SCHIP1: variants seen among roughly 807,000 people sequenced by gnomAD.
SCHIP1 encodes schwannomin-interacting protein 1.
SCHIP1 carries 8 observed loss-of-function variants against 29.7 expected under a neutral mutation model. The ratio of observed to expected loss-of-function variants is 0.27; its 90% confidence interval spans 0.16 to 0.49. The LOEUF is 0.49. Ranked by LOEUF, SCHIP1 falls within the 20% of genes least tolerant of loss-of-function variation. SCHIP1 has a pLI of 0.99. For synonymous variants in SCHIP1, 76 were observed against 94.9 expected (o/e 0.80, Z 1.16); for missense variants, 193 against 294.6 (o/e 0.66, Z 2.52).
At chr3:159,755,472 C>T in the SCHIP1 span, among the ~76,000 whole-genome samples, 1 of 152,170 alleles carries the variant, frequency 6.6e-6, no homozygotes, top group Non-Finnish European at 1.5e-5. Context: ...TCAATCACCT[C>T]CCACTGGGTA....
At chr3:159,363,164 A>C in the SCHIP1 span, among the ~76,000 whole-genome samples, 8 of 152,252 alleles carry the variant, frequency 5.3e-5, no homozygotes, top group Non-Finnish European at 1.2e-4. Context: ...GAGGTTAACA[A>C]AAAGAAACAG....
the SCHIP1 span, among the ~76,000 whole-genome samples, chr3:159,781,271 G>A: frequency 6.6e-6 from 1 of 152,110 alleles, no homozygotes; most frequent in Non-Finnish European, 1.5e-5. Flanking sequence ...CACCTCTTAG[G>A]TTCAAGCGAT....
chr3:159,617,111 A>AT, the SCHIP1 span, among the ~76,000 whole-genome samples: 1 of 152,170 alleles, frequency 6.6e-6, no homozygotes, highest in Non-Finnish European at 1.5e-5. Context: ...ATGTGGTCCC[A>AT]TCCAACCACT....
the SCHIP1 span, among the ~76,000 whole-genome samples, chr3:159,488,285 T>C: frequency 1.3e-5 from 2 of 152,086 alleles, no homozygotes; most frequent in Admixed American, 6.6e-5. Context: ...ACAGAGTGAC[T>C]ACAGTCAATA....
chr3:159,314,530 A>T, the SCHIP1 span, among the ~76,000 whole-genome samples: 52 of 152,304 alleles, frequency 3.4e-4, 1 homozygote, highest in African/African-American at 1.2e-3. Flanking sequence ...CTTTTCTCTT[A>T]ATAGGGGAAA....
At chr3:159,809,660 CAAA>C in the SCHIP1 span, among the ~76,000 whole-genome samples, 20 of 98,508 alleles carry the variant, frequency 2.0e-4, no homozygotes, top group Non-Finnish European at 2.2e-4. Flanking sequence ...AACTCCATCT[CAAA>C]AAAAAAAAAA....
chr3:159,639,310 T>A, the SCHIP1 span, among the ~76,000 whole-genome samples: 1 of 152,192 alleles, frequency 6.6e-6, no homozygotes, highest in African/African-American at 2.4e-5. Flanking sequence ...GAAAATCCTT[T>A]TTCACGTGCA....
At chr3:159,714,280 G>A in the SCHIP1 span, among the ~76,000 whole-genome samples, 7 of 152,048 alleles carry the variant, frequency 4.6e-5, no homozygotes, top group South Asian at 2.1e-4. Flanking sequence ...CAAGATGGCC[G>A]AATAGGAACA....
At chr3:159,470,482 T>G in the SCHIP1 span, among the ~76,000 whole-genome samples, 1 of 152,152 alleles carries the variant, frequency 6.6e-6, no homozygotes, top group South Asian at 2.1e-4. Context: ...TTTAAAAAGA[T>G]TTTGTTCACA....
At chr3:159,790,929 A>G in the SCHIP1 span, among the ~76,000 whole-genome samples, 2 of 152,094 alleles carry the variant, frequency 1.3e-5, no homozygotes, top group Non-Finnish European at 2.9e-5. Flanking sequence ...TATGTTATTT[A>G]TTTTAATATT....
At chr3:159,639,916 A>G in the SCHIP1 span, among the ~76,000 whole-genome samples, 1 of 152,204 alleles carries the variant, frequency 6.6e-6, no homozygotes, top group African/African-American at 2.4e-5. Context: ...GGGTGTTTAT[A>G]AAGCTTGGTT....
chr3:159,302,331 T>C, the SCHIP1 span, among the ~76,000 whole-genome samples: 8,036 of 152,258 alleles, frequency 0.053, 571 homozygotes, highest in African/African-American at 0.17. Context: ...TTGCAATAAG[T>C]TTATTGTAAT....
At chr3:159,654,726 C>T in the SCHIP1 span, among the ~76,000 whole-genome samples, 1 of 147,856 alleles carries the variant, frequency 6.8e-6, no homozygotes, top group East Asian at 2.0e-4. Flanking sequence ...ATGGATGGAG[C>T]TACGGGACAC....
the SCHIP1 span, among the ~76,000 whole-genome samples, chr3:159,533,050 C>G: frequency 6.6e-6 from 1 of 152,280 alleles, no homozygotes; most frequent in South Asian, 2.1e-4. Context: ...TTGATTATGC[C>G]TGTCTTATGG....
chr3:159,841,166 G>A (rs1452481201), intron 1 of SCHIP1, among the ~76,000 whole-genome samples: 1 of 152,156 alleles, frequency 6.6e-6, no homozygotes, highest in Non-Finnish European at 1.5e-5. Context: ...TTTCTCATAA[G>A]GTCAGATTTC....
intron 1 of SCHIP1, among the ~76,000 whole-genome samples, chr3:159,851,481 T>C (rs1211798983): frequency 6.6e-6 from 1 of 152,200 alleles, no homozygotes; most frequent in Admixed American, 6.5e-5. Flanking sequence ...AAAAGATTAT[T>C]GAGAGGATTA....
At chr3:159,527,494 T>C in the SCHIP1 span, among the ~76,000 whole-genome samples, 3 of 152,216 alleles carry the variant, frequency 2.0e-5, no homozygotes, top group Non-Finnish European at 4.4e-5. Flanking sequence ...AAAACTCTCT[T>C]AGTTGTAAGC....
chr3:159,809,544 G>C, the SCHIP1 span, among the ~76,000 whole-genome samples: 4 of 151,794 alleles, frequency 2.6e-5, no homozygotes, highest in Non-Finnish European at 5.9e-5. Flanking sequence ...CTAGATCCTT[G>C]AGGAATTGCC....
the SCHIP1 span, among the ~76,000 whole-genome samples, chr3:159,562,239 C>T: frequency 6.6e-6 from 1 of 152,194 alleles, no homozygotes; most frequent in East Asian, 1.9e-4. Context: ...CAACATATGC[C>T]AAATTCCACT....
Sources: allele counts gnomAD v4.1 joint callset (sites outside exome capture counted in the v4.1 genomes callset), GRCh38; gene constraint gnomAD v4.1.1; transcripts MANE v1.5; gene names NCBI Gene and HGNC (gene_info 2026-07-23, HGNC 2026-07-21).